The following SLC4A10 variants were observed in gnomAD, a reference collection of about 807,000 sequenced individuals.
SLC4A10 encodes the protein sodium-driven chloride bicarbonate exchanger.
In SLC4A10, 42 loss-of-function variants were observed where a neutral mutation model predicts 137.7. The observed-to-expected ratio is 0.30, with a 90% CI of 0.24 to 0.39. The LOEUF is 0.39. Ranked by LOEUF, SLC4A10 falls within the 10% of genes least tolerant of loss-of-function variation. SLC4A10 has a pLI of 1.00. For missense variants in SLC4A10, 925 were observed against 1,355.0 expected, an observed-to-expected ratio of 0.68 and a Z score of 4.98; for synonymous variants, 474 against 464.1, an observed-to-expected ratio of 1.02 and a Z score of -0.27.
At chr2:161,898,791 A>ATGAAGC (rs2063780740) in intron 11 of SLC4A10, among the ~76,000 whole-genome samples, 1 of 152,142 alleles carries the variant, frequency 6.6e-6, no homozygotes, top group Non-Finnish European at 1.5e-5. Flanking sequence ...TACCGCACTG[A>ATGAAGC]TGAAGCTGAA....
At chr2:161,902,050 G>A (rs868227969) in intron 12 of SLC4A10, 3 of 455,782 alleles carry the variant, frequency 6.6e-6, no homozygotes, top group East Asian at 7.0e-5. Flanking sequence ...CGGTATCTTC[G>A]CTTCTCCAGA....
intron 9 of SLC4A10, 115 bp downstream of exon 9, chr2:161,879,403 C>A: frequency 9.3e-7 from 1 of 1,073,424 alleles, no homozygotes; most frequent in Non-Finnish European, 1.3e-6. Context: ...AATGTGAAAT[C>A]CACAAAACTA....
At chr2:161,648,801 A>G (rs1409787042) in intron 1 of SLC4A10, among the ~76,000 whole-genome samples, 1 of 152,110 alleles carries the variant, frequency 6.6e-6, no homozygotes, top group Non-Finnish European at 1.5e-5. Context: ...GGGTTGATTG[A>G]TCTATCTCAT....
intron 15 of SLC4A10, among the ~76,000 whole-genome samples, chr2:161,936,918 T>C (rs2105705796): frequency 6.6e-6 from 1 of 152,328 alleles, no homozygotes; most frequent in East Asian, 1.9e-4. Context: ...AGGTACAATG[T>C]TATAGGTTGT....
chr2:161,880,496 G>T (rs1355475481), intron 9 of SLC4A10, among the ~76,000 whole-genome samples: 6 of 152,062 alleles, frequency 3.9e-5, no homozygotes, highest in Admixed American at 3.3e-4. Flanking sequence ...ACTATGGTTT[G>T]GGGGAGGAAT....
Position 161,904,859 on chromosome 2 carries a change from C to A in SLC4A10, c.1701C>A (p.Gly567=), listed in dbSNP as rs1228670663. ...GTGGACAGCCTCTTACCATATTAGG[C>A]AGTACAGGACCAGTTTTGGTGTTTG... ...LFGGQPLTIL[G]STGPVLVFEK... is the part of the protein sequence containing the mutation. The change falls in exon 14 of 27, where the codon GGC becomes GGA. Residue 567 remains glycine, a synonymous_variant. Transcript: ENST00000446997. 4 of 1,613,972 alleles carry A rather than the reference C, an allele frequency of 2.5e-6. No homozygotes were observed. Among genetic ancestry groups the A allele is most frequent in the Non-Finnish European group, 3.4e-6 (4 of 1,179,884 alleles).
At chr2:161,848,970 C>A (rs1367490306) in intron 4 of SLC4A10, among the ~76,000 whole-genome samples, 1 of 152,092 alleles carries the variant, frequency 6.6e-6, no homozygotes, top group East Asian at 1.9e-4. Flanking sequence ...ATAGGAATAG[C>A]ACTGAATCTG....
chr2:161,783,349 A>G (rs1012116976), intron 2 of SLC4A10, among the ~76,000 whole-genome samples: 8 of 151,976 alleles, frequency 5.3e-5, no homozygotes, highest in African/African-American at 1.9e-4. Flanking sequence ...AGACCTCCCT[A>G]CAAAAAATGC....
At chr2:161,928,910 G>T (rs1007160655) in intron 15 of SLC4A10, among the ~76,000 whole-genome samples, 6 of 152,266 alleles carry the variant, frequency 3.9e-5, no homozygotes, top group African/African-American at 1.4e-4. Flanking sequence ...ATTTGTACAT[G>T]GAGGTATTCA....
intron 15 of SLC4A10, among the ~76,000 whole-genome samples, chr2:161,937,318 A>G (rs943317261): frequency 6.6e-5 from 10 of 152,170 alleles, no homozygotes; most frequent in African/African-American, 2.2e-4. Context: ...TTAATATGCA[A>G]TATACTTACC....
At chr2:161,740,371 C>A (rs2047759199) in intron 1 of SLC4A10, among the ~76,000 whole-genome samples, 1 of 152,120 alleles carries the variant, frequency 6.6e-6, no homozygotes, top group Non-Finnish European at 1.5e-5. Context: ...GTAGCATGAA[C>A]CTATATAGAC....
At chr2:161,695,824 A>C (rs948080495) in intron 1 of SLC4A10, among the ~76,000 whole-genome samples, 1 of 152,150 alleles carries the variant, frequency 6.6e-6, no homozygotes, top group African/African-American at 2.4e-5. Flanking sequence ...ATAAACACTA[A>C]AGAGAACAAT....
chr2:161,624,595 T>G lies in SLC4A10; in HGVS notation c.48+29T>G, dbSNP rs983989121. On this transcript the variant is annotated intron_variant, in intron 1 of 26. Coordinates refer to ENST00000446997, the MANE Select transcript of SLC4A10 (RefSeq NM_001178015.2). ...AGAGACAACCTGCTATCACATAGATTAACCGCGTTTGCTGCAAAACCTGTT... is the reference window on the plus strand; with the variant it reads ...AGAGACAACCTGCTATCACATAGATGAACCGCGTTTGCTGCAAAACCTGTT... The G allele has an allele frequency of 1.9e-6, 3 of 1,551,402 alleles. No individual in the cohort carries two copies. The African/African-American group carries it at 4.1e-5, about 21-fold the overall frequency.
At position 161,682,063 on chromosome 2, in the gene SLC4A10, T is replaced by G. The variant is rs1467721986; in HGVS notation, c.48+57497T>G. Among the ~76,000 whole-genome samples the G allele has an allele frequency of 2.0e-5, 3 of 152,184 alleles. No homozygotes were observed. The East Asian group carries it at 5.8e-4, about 29-fold the overall frequency. On this transcript the variant is annotated intron_variant, in intron 1 of 26. Coordinates refer to ENST00000446997, the MANE Select transcript of SLC4A10 (RefSeq NM_001178015.2). The stretch of plus-strand genomic sequence containing the variant: ...TTTTTTCTTGACTTTAATATGTAAC[T>G]CATCCTTACTTTGTCCATTTTCCAA...
intron 2 of SLC4A10, among the ~76,000 whole-genome samples, chr2:161,788,323 A>G (rs914515140): frequency 6.6e-6 from 1 of 152,114 alleles, no homozygotes; most frequent in Admixed American, 6.5e-5. Flanking sequence ...CACTAGTACT[A>G]TACCCTTCTG....
intron 5 of SLC4A10, among the ~76,000 whole-genome samples, chr2:161,859,126 C>G (rs1432181678): frequency 6.6e-6 from 1 of 151,930 alleles, no homozygotes; most frequent in Non-Finnish European, 1.5e-5. Flanking sequence ...ATATGATGAT[C>G]TTCAAAAAGG....
At chr2:161,674,352 T>C (rs1187734787) in intron 1 of SLC4A10, among the ~76,000 whole-genome samples, 1 of 152,192 alleles carries the variant, frequency 6.6e-6, no homozygotes, top group African/African-American at 2.4e-5. Flanking sequence ...TTAATTTTAA[T>C]ATGAAGTAGC....
intron 1 of SLC4A10, among the ~76,000 whole-genome samples, chr2:161,718,780 G>T (rs1453978063): frequency 6.6e-6 from 1 of 152,130 alleles, no homozygotes; most frequent in African/African-American, 2.4e-5. Flanking sequence ...TGTTGTTTTT[G>T]GGTGGAAAGA....
chr2:161,654,380 T>C (rs1176955247), intron 1 of SLC4A10, among the ~76,000 whole-genome samples: 1 of 152,194 alleles, frequency 6.6e-6, no homozygotes, highest in Admixed American at 6.5e-5. Flanking sequence ...AGAATAATTT[T>C]TGTTTGTTGT....
Sources: allele counts gnomAD v4.1 joint callset (sites outside exome capture counted in the v4.1 genomes callset), GRCh38; gene constraint gnomAD v4.1.1; transcripts MANE v1.5; gene names NCBI Gene and HGNC (gene_info 2026-07-23, HGNC 2026-07-21).